CTNNA2: variants seen among roughly 807,000 people sequenced by gnomAD.
CTNNA2 encodes catenin alpha 2, also known as catenin alpha-2.
Under a neutral mutation model 101.0 loss-of-function variants are expected in CTNNA2, and 42 were observed. That is an observed-to-expected ratio of 0.42 (90% CI 0.32 to 0.54). CTNNA2 has a LOEUF of 0.54. Ranked by LOEUF, CTNNA2 falls within the 20% of genes least tolerant of loss-of-function variation. The pLI, the probability that CTNNA2 is intolerant of heterozygous loss-of-function variation, is 0.14. For missense variants in CTNNA2, 871 were observed against 1,223.1 expected (o/e 0.71, Z 4.29); for synonymous variants, 450 against 456.4 (o/e 0.99, Z 0.18).
In CTNNA2 at chr2:80,420,034, GAAAAAAAAAAAAAAAAA is replaced by G. The variant is rs527701227; in HGVS notation, c.1290+446_1290+462del. Among the ~76,000 whole-genome samples, 36 of 37,552 alleles carry G rather than the reference GAAAAAAAAAAAAAAAAA, an allele frequency of 9.6e-4. 1 individual carries two copies. Among genetic ancestry groups the G allele is most frequent in the East Asian group, 7.0e-3 (6 of 852 alleles). 24.6% of individuals were successfully genotyped at this position (37,552 alleles called of 152,430 possible). ...GATGCTGTCCACACTGGGAACTTGT[GAAAAAAAAAAAAAAAAA>G]AAAAAAAAAAAACCCACCTTCCCCA... is the stretch of plus-strand genomic sequence containing the variant. On this transcript the variant is annotated intron_variant, in intron 9 of 18. Transcript: ENST00000402739.
At chr2:79,269,825 C>T (rs73938158) in intron 2 of CTNNA2, among the ~76,000 whole-genome samples, 2,526 of 152,210 alleles carry the variant, frequency 0.017, 57 homozygotes, top group East Asian at 0.061. Flanking sequence ...TTCATACTAA[C>T]TTCCCCTGGA....
chr2:80,223,092 T>A (rs1558917980), intron 7 of CTNNA2, among the ~76,000 whole-genome samples: 1 of 152,130 alleles, frequency 6.6e-6, no homozygotes, highest in African/African-American at 2.4e-5. Flanking sequence ...ATCATGACCA[T>A]ATTATTATCT....
chr2:80,167,411 G>GAAGT (rs1188294123), intron 7 of CTNNA2, among the ~76,000 whole-genome samples: 1 of 152,096 alleles, frequency 6.6e-6, no homozygotes, highest in African/African-American at 2.4e-5. Context: ...TTGGTGCTTG[G>GAAGT]AAGTATGTCT....
intron 3 of CTNNA2, among the ~76,000 whole-genome samples, chr2:79,323,779 T>C (rs1676679676): frequency 6.6e-6 from 1 of 152,210 alleles, no homozygotes; most frequent in African/African-American, 2.4e-5. Flanking sequence ...GGTGGGAGTT[T>C]CTCAAAGAGT....
chr2:79,850,442 C>T (rs1017624121), intron 3 of CTNNA2, among the ~76,000 whole-genome samples: 10 of 149,506 alleles, frequency 6.7e-5, no homozygotes, highest in African/African-American at 2.5e-4. Flanking sequence ...TCCCTCCCTT[C>T]CTTCCTTTCT....
chr2:80,027,695 C>T (rs1030001098), intron 7 of CTNNA2, among the ~76,000 whole-genome samples: 4 of 152,064 alleles, frequency 2.6e-5, no homozygotes, highest in South Asian at 2.1e-4. Context: ...TGCCTGGTGC[C>T]GTGGCTCGTG....
chr2:80,028,483 G>A (rs774296598), intron 7 of CTNNA2: 3 of 152,292 alleles, frequency 2.0e-5, no homozygotes, highest in Middle Eastern at 3.4e-3. Flanking sequence ...GATTCTTTAT[G>A]AGTATGTCTT....
intron 7 of CTNNA2, among the ~76,000 whole-genome samples, chr2:80,110,205 TC>T (rs1306667956): frequency 3.9e-5 from 6 of 152,198 alleles, no homozygotes; most frequent in East Asian, 1.9e-4. Context: ...CTTGTTCTTC[TC>T]TACAGGGCAC....
intron 1 of CTNNA2, among the ~76,000 whole-genome samples, chr2:79,633,259 C>T (rs1316798435): frequency 6.6e-6 from 1 of 152,154 alleles, no homozygotes; most frequent in Non-Finnish European, 1.5e-5. Flanking sequence ...TTGTTATTAT[C>T]TCCCCTCATA....
intron 1 of CTNNA2, among the ~76,000 whole-genome samples, chr2:79,606,865 A>G (rs1677928996): frequency 6.6e-6 from 1 of 152,226 alleles, no homozygotes; most frequent in African/African-American, 2.4e-5. Context: ...AGGCAGAAAA[A>G]GAGTTTTCAA....
intron 4 of CTNNA2, among the ~76,000 whole-genome samples, chr2:79,485,801 A>C (rs1288265876): frequency 6.6e-6 from 1 of 152,146 alleles, no homozygotes; most frequent in African/African-American, 2.4e-5. Context: ...ATCTCTTTTC[A>C]GGTTTTGAAA....
chr2:80,539,243 A>G (rs1691315909), intron 9 of CTNNA2, among the ~76,000 whole-genome samples: 2 of 151,756 alleles, frequency 1.3e-5, no homozygotes. Context: ...ATAGATGCCA[A>G]TTGTAATACA....
intron 4 of CTNNA2, among the ~76,000 whole-genome samples, chr2:79,498,465 T>C (rs1214830471): frequency 6.6e-6 from 1 of 152,232 alleles, no homozygotes; most frequent in Non-Finnish European, 1.5e-5. Flanking sequence ...AAGCATGGTC[T>C]CCACAGTAGT....
intron 9 of CTNNA2, among the ~76,000 whole-genome samples, chr2:80,469,814 T>A (rs1365420375): frequency 1.3e-5 from 2 of 152,190 alleles, no homozygotes. Context: ...GTGGGGAACC[T>A]TTAAGCAAAA....
rs1440813203 is a variant in CTNNA2, at chr2:80,081,157, A to G, written c.1056+171360A>G. Among the ~76,000 whole-genome samples the G allele has an allele frequency of 2.0e-5, 3 of 151,608 alleles. No homozygotes were observed. In the East Asian group the frequency reaches 5.8e-4, roughly 30 times the overall value. On this transcript the variant is annotated intron_variant, in intron 7 of 18. Transcript: ENST00000402739. ...CAAATGCTTAAAGAACTTCCCCTTA[A>G]TAAAAACAACATTCTTGGTTATGTG...
At chr2:80,568,431 C>T (rs1470172621) in intron 12 of CTNNA2, among the ~76,000 whole-genome samples, 2 of 152,124 alleles carry the variant, frequency 1.3e-5, no homozygotes, top group Non-Finnish European at 2.9e-5. Context: ...GTGCTAGAAG[C>T]AGGACAAGGG....
chr2:79,263,711 G>A (rs1674952315), intron 2 of CTNNA2, among the ~76,000 whole-genome samples: 1 of 152,114 alleles, frequency 6.6e-6, no homozygotes, highest in Non-Finnish European at 1.5e-5. Flanking sequence ...AAGAGTGGGA[G>A]TATTGTAAAA....
intron 7 of CTNNA2, among the ~76,000 whole-genome samples, chr2:80,267,341 G>T (rs1004704453): frequency 2.0e-5 from 3 of 152,168 alleles, no homozygotes; most frequent in African/African-American, 7.2e-5. Context: ...ATAAGTAAGA[G>T]AAATGAAAAT....
At chr2:80,023,652 A>G (rs924746581) in intron 7 of CTNNA2, among the ~76,000 whole-genome samples, 7 of 152,200 alleles carry the variant, frequency 4.6e-5, no homozygotes, top group African/African-American at 1.7e-4. Flanking sequence ...GTATGGCAAC[A>G]TTTTTGTGCA....
Sources: allele counts gnomAD v4.1 joint callset (sites outside exome capture counted in the v4.1 genomes callset), GRCh38; gene constraint gnomAD v4.1.1; transcripts MANE v1.5; gene names NCBI Gene and HGNC (gene_info 2026-07-23, HGNC 2026-07-21).